The following NBEAL1 variants were observed in gnomAD, a reference collection of about 807,000 sequenced individuals.
NBEAL1 encodes the protein neurobeachin-like protein 1.
Under a neutral mutation model 351.3 loss-of-function variants are expected in NBEAL1, and 273 were observed. The observed-to-expected ratio is 0.78, with a 90% confidence interval of 0.70 to 0.86. NBEAL1 has a LOEUF of 0.86. NBEAL1 is among the 40% of genes least tolerant of loss of function. NBEAL1 has a pLI of 0.00. For missense variants in NBEAL1, 2,961 were observed against 3,201.3 expected (o/e 0.92, Z 1.81); for synonymous variants, 1,050 against 1,086.4 (o/e 0.97, Z 0.66).
intron 4 of NBEAL1, among the ~76,000 whole-genome samples, chr2:203,055,975 T>G (rs761036692): frequency 6.6e-5 from 10 of 152,122 alleles, no homozygotes; most frequent in Non-Finnish European, 1.5e-4. Flanking sequence ...GAAACCGTAA[T>G]TCAAAAAGCA....
intron 10 of NBEAL1, among the ~76,000 whole-genome samples, chr2:203,096,245 C>T (rs1410859625): frequency 1.3e-5 from 2 of 152,308 alleles, no homozygotes; most frequent in South Asian, 2.1e-4. Context: ...AATTCAAACT[C>T]AGGTCTCTGA....
chr2:203,119,511 C>T (rs1175524061), intron 18 of NBEAL1, among the ~76,000 whole-genome samples: 2 of 142,060 alleles, frequency 1.4e-5, no homozygotes, highest in East Asian at 2.2e-4. Flanking sequence ...CTGCAACCTC[C>T]GCTTCCTGGG....
chr2:203,156,943 G>A (rs1177250965), intron 35 of NBEAL1, among the ~76,000 whole-genome samples: 9 of 152,046 alleles, frequency 5.9e-5, no homozygotes, highest in Non-Finnish European at 1.5e-5. Context: ...ATATATAATA[G>A]TAGCTATCAT....
intron 10 of NBEAL1, among the ~76,000 whole-genome samples, chr2:203,094,340 C>A (rs373074870): frequency 4.6e-5 from 7 of 152,236 alleles, no homozygotes; most frequent in African/African-American, 1.7e-4. Flanking sequence ...AAACCTAACT[C>A]CCCAAATATA....
At chr2:203,152,417 C>T (rs1234447796) in intron 35 of NBEAL1, among the ~76,000 whole-genome samples, 2 of 150,308 alleles carry the variant, frequency 1.3e-5, no homozygotes, top group South Asian at 2.1e-4. Context: ...AGTGAAACCC[C>T]GTCTCTACTA....
chr2:203,044,226 G>C (rs2061190879), intron 3 of NBEAL1, among the ~76,000 whole-genome samples: 1 of 152,136 alleles, frequency 6.6e-6, no homozygotes, highest in East Asian at 1.9e-4. Flanking sequence ...TTCCTCATTA[G>C]ACTATTATTC....
At chr2:203,195,076 T>C (rs2105792260) in intron 47 of NBEAL1, among the ~76,000 whole-genome samples, 1 of 151,544 alleles carries the variant, frequency 6.6e-6, no homozygotes, top group East Asian at 2.0e-4. Flanking sequence ...TGGACGCCTG[T>C]AGTCCCAGCT....
Position 203,062,345 on chromosome 2 carries a change from A to G in NBEAL1, c.515+4892A>G, listed in dbSNP as rs763881616. On this transcript the variant is annotated intron_variant, in intron 6 of 55. Coordinates refer to ENST00000683969, the MANE Select transcript of NBEAL1 (RefSeq NM_001378026.1). The surrounding 1 kb of genome is among the most constrained non-coding windows in gnomAD (Gnocchi z 4.2). Reference sequence around the variant, plus strand: ...GAGTTTCTTCTGGGAAAAATCCAGCAACGCCCACTCCTGAGGGGTGAAGGT... The same window carrying G: ...GAGTTTCTTCTGGGAAAAATCCAGCGACGCCCACTCCTGAGGGGTGAAGGT... The G allele has an allele frequency of 7.1e-5, 35 of 491,422 alleles. No homozygotes were observed. Among genetic ancestry groups the G allele is most frequent in the Non-Finnish European group, 1.3e-4 (31 of 244,332 alleles). The allele number at this position is 491,422 out of a possible 1,614,324, so 30.4% of individuals were successfully genotyped here.
chr2:203,212,377 T>C (rs2065810994), intron 54 of NBEAL1, among the ~76,000 whole-genome samples: 1 of 151,272 alleles, frequency 6.6e-6, no homozygotes, highest in South Asian at 2.1e-4. Flanking sequence ...GAGGCTGAGG[T>C]AGCTGGATCA....
Position 203,136,147 on chromosome 2 carries a change from C to G in NBEAL1, c.4284C>G (p.Ser1428=). The part of the protein sequence containing the change: ...QVPDSLPSTP[S]PVESTKSFSV... ...CAGACAGTCTGCCTAGCACACCATC[C>G]CCAGTAGAGTCTACTAAATCGTTTT... The change falls in exon 28 of 56, where the codon TCC becomes TCG. Residue 1428 remains serine (S), a synonymous_variant. Transcript: ENST00000683969. 6.2e-7 allele frequency: 1 copy of G among 1,614,044 alleles called. No individual in the cohort carries two copies. Among genetic ancestry groups the G allele is most frequent in the Non-Finnish European group, 8.5e-7 (1 of 1,179,980 alleles).
chr2:203,178,201 G>T (rs572910040), intron 42 of NBEAL1, among the ~76,000 whole-genome samples: 18 of 138,080 alleles, frequency 1.3e-4, no homozygotes, highest in African/African-American at 4.7e-4. Flanking sequence ...GTCTCACTCT[G>T]TCGCCCAGGC....
In NBEAL1 at chr2:203,144,596, C is replaced by G. The variant is rs142524973; in HGVS notation, c.4849-4C>G. 538 of 1,603,006 alleles carry G rather than the reference C, an allele frequency of 3.4e-4. 3 individuals are homozygous for G. In the African/African-American group the frequency reaches 6.4e-3, roughly 19 times the overall value. The stretch of plus-strand genomic sequence containing the variant: ...TCTTTCTCATCTAAACTGTTTTCCT[C>G]CAGGTTTGTGCAATGGCATCAGCTA... On this transcript the variant is annotated splice_polypyrimidine_tract_variant and splice_region_variant and intron_variant, in intron 31 of 55. Transcript: ENST00000683969.
intron 2 of NBEAL1, among the ~76,000 whole-genome samples, chr2:203,032,125 A>G (rs1223755719): frequency 6.6e-6 from 1 of 152,152 alleles, no homozygotes; most frequent in East Asian, 1.9e-4. Context: ...GCGAACTACC[A>G]TATGAGTGAG....
At chr2:203,099,791 T>C (rs2062272454) in intron 12 of NBEAL1, 79 bp downstream of exon 12, 1 of 919,594 alleles carries the variant, frequency 1.1e-6, no homozygotes, top group Non-Finnish European at 1.6e-6. Flanking sequence ...AGGTTTGTTA[T>C]ATAGGTAAAT....
chr2:203,167,526 T>G (rs1355883487), intron 38 of NBEAL1, among the ~76,000 whole-genome samples, 166 bp downstream of exon 38: 3 of 152,196 alleles, frequency 2.0e-5, no homozygotes, highest in Non-Finnish European at 4.4e-5. Flanking sequence ...TGTTGAGATT[T>G]ATATACGTTT....
chr2:203,080,132 G>A (rs1198072972), intron 8 of NBEAL1, among the ~76,000 whole-genome samples: 2 of 151,998 alleles, frequency 1.3e-5, no homozygotes, highest in Admixed American at 6.6e-5. Context: ...TTTCCTGGCC[G>A]GGCATGGTGG....
At chr2:203,098,107 A>G (rs949973182) in intron 11 of NBEAL1, among the ~76,000 whole-genome samples, 14 of 152,210 alleles carry the variant, frequency 9.2e-5, no homozygotes, top group Admixed American at 8.5e-4. Flanking sequence ...CTCTCTGTTA[A>G]TTTAGCATAA....
In NBEAL1 at chr2:203,175,132, A is replaced by G. The variant is rs2106422204; in HGVS notation, c.6324-15A>G. 6.2e-7 allele frequency: 1 copy of G among 1,602,892 alleles called. No individual in the cohort carries two copies. The highest frequency in any genetic ancestry group is 8.5e-7 in the Non-Finnish European group (1 of 1,173,742). ...ATTATTGTGGTTTTAAAACTTTAGG[A>G]TTTTTTCCCCACAGATATGAAAATT... On this transcript the variant is annotated splice_polypyrimidine_tract_variant and intron_variant, in intron 41 of 55. Coordinates refer to ENST00000683969, the MANE Select transcript of NBEAL1 (RefSeq NM_001378026.1).
intron 55 of NBEAL1, 145 bp downstream of exon 55, chr2:203,213,798 C>T: frequency 6.7e-7 from 1 of 1,487,128 alleles, no homozygotes; most frequent in Non-Finnish European, 8.9e-7. Context: ...TAAATAAAAA[C>T]AGGATAAAGC....
Sources: allele counts gnomAD v4.1 joint callset (sites outside exome capture counted in the v4.1 genomes callset), GRCh38; gene constraint gnomAD v4.1.1; non-coding constraint Gnocchi (gnomAD v3.1); transcripts MANE v1.5; gene names NCBI Gene and HGNC (gene_info 2026-07-23, HGNC 2026-07-21).